The following UBR4 variants were observed in gnomAD, a reference collection of about 807,000 sequenced individuals.
UBR4 encodes ubiquitin protein ligase E3 component n-recognin 4, also known as E3 ubiquitin-protein ligase UBR4.
Under a neutral mutation model 575.6 loss-of-function variants are expected in UBR4, and 124 were observed. The ratio of observed to expected loss-of-function variants is 0.22; its 90% CI spans 0.19 to 0.25. The LOEUF (loss-of-function observed/expected upper bound fraction) is 0.25. Among genes scored for constraint, UBR4 ranks in the 10% least tolerant of loss-of-function variants. UBR4 has a pLI of 1.00. For synonymous variants in UBR4, 2,455 were observed against 2,473.7 expected, an observed-to-expected ratio of 0.99 and a Z score of 0.22; for missense variants, 4,818 against 6,478.8, an observed-to-expected ratio of 0.74 and a Z score of 8.80.
At position 19,199,076 on chromosome 1, in the gene UBR4, A is replaced by T. The variant is rs930587359; in HGVS notation, c.379-148T>A. 1.7e-5 allele frequency: 15 copies of T among 891,256 alleles called. No individual in the cohort carries two copies. In the African/African-American group the frequency reaches 2.5e-4, roughly 15 times the overall value. 55.2% of individuals were successfully genotyped at this position (891,256 alleles called of 1,614,324 possible). On this transcript the variant is annotated intron_variant, in intron 3 of 105. Transcript: ENST00000375254. ...AAAGACTGCAAGCTGATGTCCTTAG[A>T]CCGTATGTAGCTTATAGATTTGTCT...
At chr1:19,116,986 G>A (rs2080616111) in intron 73 of UBR4, among the ~76,000 whole-genome samples, 1 of 152,204 alleles carries the variant, frequency 6.6e-6, no homozygotes, top group South Asian at 2.1e-4. Flanking sequence ...TAGGCAGGCT[G>A]TTGAGGAACT....
chr1:19,162,033 G>A, intron 35 of UBR4, 136 bp from the exon 36 acceptor site: 1 of 985,902 alleles, frequency 1.0e-6, no homozygotes, highest in South Asian at 1.6e-5. Flanking sequence ...TACCACAACT[G>A]GAAATAGCTA....
chr1:19,142,781 T>C (rs1197358182), intron 55 of UBR4, among the ~76,000 whole-genome samples: 2 of 152,244 alleles, frequency 1.3e-5, no homozygotes, highest in Non-Finnish European at 2.9e-5. Context: ...ATTAAATAAT[T>C]AGTAAATCAA....
At chr1:19,154,102 A>G (rs770806564) in intron 44 of UBR4, among the ~76,000 whole-genome samples, 163 bp from the exon 45 acceptor site, 2 of 152,206 alleles carry the variant, frequency 1.3e-5, no homozygotes, top group Non-Finnish European at 2.9e-5. Context: ...AGCCATGCAC[A>G]CATGCTCATA....
chr1:19,105,089 C>T lies in UBR4; in HGVS notation c.12604G>A (p.Ala4202Thr). 1 of 1,614,118 alleles carries T rather than the reference C, an allele frequency of 6.2e-7. No homozygotes were observed. The highest frequency in any genetic ancestry group is 8.5e-7 in the Non-Finnish European group (1 of 1,179,982). ...CCCACATAGGGTAGGACTCCCCGAG[C>T]TGCCAAGTAGACTTTCCAGTGCGCA... is the stretch of plus-strand genomic sequence containing the variant. The part of the protein sequence containing the change: ...TSAHWKVYLA[A>T]RGVLPYVGNL... The change falls in exon 85 of 106, where the codon GCT becomes ACT. Residue 4202 changes from alanine (A) to threonine (T), a missense_variant. Ala to Thr is a moderately conservative substitution (Grantham distance 58). Coordinates refer to ENST00000375254, the MANE Select transcript of UBR4 (RefSeq NM_020765.3).
At chr1:19,209,176 G>A (rs1213640616) in intron 1 of UBR4, among the ~76,000 whole-genome samples, 1 of 152,212 alleles carries the variant, frequency 6.6e-6, no homozygotes, top group Admixed American at 6.5e-5. Context: ...TTGTCATCGT[G>A]AAGCTAAAAT....
chr1:19,167,359 A>T, intron 28 of UBR4, 128 bp from the exon 29 acceptor site: 1 of 867,854 alleles, frequency 1.2e-6, no homozygotes, highest in Non-Finnish European at 1.8e-6. Context: ...CCTTTATTCC[A>T]GTCTTTTTCC....
intron 18 of UBR4, 75 bp from the exon 19 acceptor site, chr1:19,177,818 A>C: frequency 6.7e-7 from 1 of 1,488,662 alleles, no homozygotes. Flanking sequence ...CAAGCACTAG[A>C]AGAGTTAAAT....
rs2086060772 is a variant in UBR4 at position 19,153,785 on chromosome 1, G to A, written c.6613C>T (p.Leu2205Phe). 6.2e-7 allele frequency: 1 copy of A among 1,613,856 alleles called. No homozygotes were observed. The highest frequency in any genetic ancestry group is 1.7e-5 in the Admixed American group (1 of 59,964). The change falls in exon 45 of 106, where the codon CTT becomes TTT. Residue 2205 changes from leucine (L) to phenylalanine (F), a missense_variant. This residue lies in a region of UBR4 where 461 missense variants were observed against 606.9 expected (regional missense o/e 0.76). Coordinates refer to ENST00000375254, the MANE Select transcript of UBR4 (RefSeq NM_020765.3). This position sits in a 1 kb window ranked among gnomAD's most constrained non-coding sequence, Gnocchi z 4.1. The part of the protein sequence containing the change: ...DTFLIQEIKT[L>F]PAKAKIQDMV... ...GCACTGACCTTCGCTTTAGCAGGAAGAGTCTTAATCTCCTGGATAAGAAAA... is the reference window on the plus strand; with the variant it reads ...GCACTGACCTTCGCTTTAGCAGGAAAAGTCTTAATCTCCTGGATAAGAAAA...
chr1:19,173,724 T>A, intron 22 of UBR4, 103 bp from the exon 23 acceptor site: 1 of 1,112,382 alleles, frequency 9.0e-7, no homozygotes, highest in Non-Finnish European at 1.3e-6. Flanking sequence ...CAGAACTGTA[T>A]AGAGTCCTGA....
In UBR4 at chr1:19,152,340, G is replaced by A; in HGVS notation, c.6969C>T (p.Ser2323=). The A allele has an allele frequency of 6.2e-7, 1 of 1,613,942 alleles. No homozygotes were observed. Among genetic ancestry groups the A allele is most frequent in the South Asian group, 1.1e-5 (1 of 91,076 alleles). ...NAQQIKHRLN[S]TGMYVANTKP... The stretch of plus-strand genomic sequence containing the variant: ...TGGTGTTGGCCACATACATGCCAGT[G>A]GAATTCAGCCGGTGTTTTATCTGTT... The change falls in exon 47 of 106, where the codon TCC becomes TCT. Residue 2323 remains serine, a synonymous_variant. Coordinates refer to ENST00000375254, the MANE Select transcript of UBR4 (RefSeq NM_020765.3). This position sits in a 1 kb window ranked among gnomAD's most constrained non-coding sequence, Gnocchi z 4.4.
At position 19,164,841 on chromosome 1, in the gene UBR4, T is replaced by C. The variant is rs777150905; in HGVS notation, c.4469A>G (p.Gln1490Arg). ...GTATGTGGTCAGTAACTGCAGCAGC[T>C]GCCGGTTCTCCTGAATTACATCCAG... ...DQLDVIQENR[Q>R]LLQLLTTYIV... Residue 1490 changes from glutamine to arginine, a missense_variant, in exon 32 of 106, where the codon CAG becomes CGG. Around this residue, in one of 29 missense-constraint regions of UBR4, gnomAD observed 1,172 missense variants for 1,259.7 expected, o/e 0.93. Transcript: ENST00000375254. The C allele has an allele frequency of 6.2e-7, 1 of 1,614,220 alleles. No individual in the cohort carries two copies. The highest frequency in any genetic ancestry group is 8.5e-7 in the Non-Finnish European group (1 of 1,180,036).
chr1:19,095,842 T>C (rs2077983762), intron 92 of UBR4, 190 bp from the exon 93 acceptor site: 2 of 551,014 alleles, frequency 3.6e-6, no homozygotes, highest in East Asian at 6.4e-5. Flanking sequence ...ATTAGGCTGG[T>C]AGCTCCAATG....
chr1:19,123,113 T>A, intron 65 of UBR4, 53 bp from the exon 66 acceptor site: 6 of 1,576,820 alleles, frequency 3.8e-6, no homozygotes, highest in East Asian at 2.3e-5. Context: ...TGTATCTATA[T>A]CAACTGTGGC....
At position 19,100,997 on chromosome 1, in the gene UBR4, T is replaced by A. The variant is rs963644613; in HGVS notation, c.13024-424A>T. On this transcript the variant is annotated intron_variant, in intron 88 of 105. Coordinates refer to ENST00000375254, the MANE Select transcript of UBR4 (RefSeq NM_020765.3). This position sits in a 1 kb window ranked among gnomAD's most constrained non-coding sequence, Gnocchi z 4.2. ...AGGGCTTCTCTATGGGACATGACAC[T>A]CAGGTACACACCCCCAATGAGCTCT... 2.6e-5 allele frequency among the ~76,000 whole-genome samples: 4 copies of A among 151,952 alleles called. No individual in the cohort carries two copies. The highest frequency in any genetic ancestry group is 9.7e-5 in the African/African-American group (4 of 41,334).
rs879883807 is a variant in UBR4 at position 19,152,109 on chromosome 1, G to A, written c.6996+204C>T. Among the ~76,000 whole-genome samples the A allele has an allele frequency of 6.6e-6, 1 of 152,162 alleles. No individual in the cohort carries two copies. The highest frequency in any genetic ancestry group is 2.1e-4 in the South Asian group (1 of 4,822). On this transcript the variant is annotated intron_variant, in intron 47 of 105. Transcript: ENST00000375254. The surrounding 1 kb of genome is among the most constrained non-coding windows in gnomAD (Gnocchi z 4.4). ...TGTCCTCTACACAGTAATCCTGCTG[G>A]TATTGGTGGAAACCCAACCTGTACA...
In UBR4 at chr1:19,157,748, A is replaced by G; in HGVS notation, c.5760+67T>C. The G allele has an allele frequency of 6.4e-7, 1 of 1,561,180 alleles. No individual in the cohort carries two copies. The highest frequency in any genetic ancestry group is 1.2e-5 in the South Asian group (1 of 84,170). On this transcript the variant is annotated intron_variant, in intron 40 of 105. Coordinates refer to ENST00000375254, the MANE Select transcript of UBR4 (RefSeq NM_020765.3). The surrounding 1 kb of genome is among the most constrained non-coding windows in gnomAD (Gnocchi z 4.4). ...GAGGGCTAATCCGAATGTGGTCATC[A>G]ATTTGTTTTGCTTAGCATTTAAGAC...
chr1:19,188,657 T>C (rs1436718557), intron 11 of UBR4, among the ~76,000 whole-genome samples: 3 of 152,078 alleles, frequency 2.0e-5, no homozygotes, highest in Admixed American at 6.5e-5. Flanking sequence ...CAAGTTCATA[T>C]AAATCAAAAA....
At chr1:19,135,946 C>T (rs1335464518) in intron 60 of UBR4, among the ~76,000 whole-genome samples, 1 of 152,064 alleles carries the variant, frequency 6.6e-6, no homozygotes, top group Non-Finnish European at 1.5e-5. Context: ...ATCTTAAAAG[C>T]AGCAGTAAAG....
Sources: allele counts gnomAD v4.1 joint callset (sites outside exome capture counted in the v4.1 genomes callset), GRCh38; gene constraint gnomAD v4.1.1; regional missense constraint gnomAD v4.1.1; non-coding constraint Gnocchi (gnomAD v3.1); transcripts MANE v1.5; gene names NCBI Gene and HGNC (gene_info 2026-07-23, HGNC 2026-07-21).